JOSD1: variants seen among roughly 807,000 people sequenced by gnomAD.
JOSD1 encodes josephin-1.
In JOSD1, 11 loss-of-function variants were observed where a neutral mutation model predicts 24.3. The ratio of observed to expected loss-of-function variants is 0.45; its 90% CI spans 0.29 to 0.75. The LOEUF (loss-of-function observed/expected upper bound fraction) is 0.75, where lower values mean the gene tolerates loss of function less well. Ranked by LOEUF, JOSD1 falls within the 30% of genes least tolerant of loss-of-function variation. JOSD1 has a pLI of 0.11. For missense variants in JOSD1, 184 were observed against 253.5 expected (o/e 0.73, Z 1.86); for synonymous variants, 106 against 93.8 (o/e 1.13, Z -0.75).
At chr22:38,696,057 G>C (rs75032270) in intron 2 of JOSD1, among the ~76,000 whole-genome samples, 2 of 152,022 alleles carry the variant, frequency 1.3e-5, no homozygotes, top group African/African-American at 4.8e-5. Context: ...ACTCCGTCTC[G>C]GGTGGGGGGA....
At chr22:38,693,052 A>G (rs577806475) in intron 2 of JOSD1, among the ~76,000 whole-genome samples, 4 of 152,258 alleles carry the variant, frequency 2.6e-5, no homozygotes, top group African/African-American at 7.2e-5. Flanking sequence ...TTAACAGAGG[A>G]TCCCAGAAGG....
At chr22:38,700,730 G>A (rs2092565646) in intron 1 of JOSD1, 70 bp downstream of exon 1, 1 of 979,358 alleles carries the variant, frequency 1.0e-6, no homozygotes, top group Non-Finnish European at 1.2e-6. Flanking sequence ...GGCCCGCGAG[G>A]GGTGGGGCCG....
At chr22:38,699,277 A>G (rs1022835534) in intron 2 of JOSD1, among the ~76,000 whole-genome samples, 1 of 152,246 alleles carries the variant, frequency 6.6e-6, no homozygotes, top group African/African-American at 2.4e-5. Context: ...CACTACTGCC[A>G]GCACATGGCC....
In JOSD1 at chr22:38,700,259, T is replaced by G. The variant is rs2092562775; in HGVS notation, c.-272A>C. The G allele has an allele frequency of 2.7e-6, 3 of 1,115,086 alleles. No individual in the cohort carries two copies. The South Asian group carries it at 9.7e-5, about 36-fold the overall frequency. 69.1% of individuals were successfully genotyped at this position (1,115,086 alleles called of 1,614,324 possible). A position where few individuals can be genotyped will look rare whatever the true frequency, so the allele number is the denominator to read the frequency against. The stretch of plus-strand genomic sequence containing the variant: ...GCAGAATTTAAAAAAACACATAAAA[T>G]GTAAGACCTTGTTTCCGTTTCCCCA... On this transcript the variant is annotated 5_prime_UTR_variant, in exon 2 of 5. Transcript: ENST00000683374.
Position 38,700,401 on chromosome 22 carries a change from C to T in JOSD1, c.-414G>A. On this transcript the variant is annotated 5_prime_UTR_variant, in exon 2 of 5. Transcript: ENST00000683374. ...AATCGGTCACATCGCTCCTTTTCTT[C>T]CATTTCTTTTGAACCACGACGCCAA... The T allele has an allele frequency of 1.0e-6, 1 of 987,716 alleles. No homozygotes were observed. Among genetic ancestry groups the T allele is most frequent in the Non-Finnish European group, 1.2e-6 (1 of 831,954 alleles). 61.2% of individuals were successfully genotyped at this position (987,716 alleles called of 1,614,324 possible). A position where few individuals can be genotyped will look rare whatever the true frequency, so the allele number is the denominator to read the frequency against.
intron 2 of JOSD1, among the ~76,000 whole-genome samples, chr22:38,699,121 GA>G (rs1329334175): frequency 1.3e-5 from 2 of 152,208 alleles, no homozygotes; most frequent in Non-Finnish European, 2.9e-5. Flanking sequence ...GAATAAAGGA[GA>G]AAGAAGAGAT....
chr22:38,695,528 G>A (rs1156271820), intron 2 of JOSD1, among the ~76,000 whole-genome samples: 1 of 148,420 alleles, frequency 6.7e-6, no homozygotes, highest in African/African-American at 2.5e-5. Context: ...GCTCACTGCA[G>A]CCTCGACCTC....
At chr22:38,701,076 T>C (rs1379141203), upstream of JOSD1, 1 of 764,340 alleles carries the variant, frequency 1.3e-6, no homozygotes, top group Non-Finnish European at 1.6e-6. Flanking sequence ...TCTGACGTCA[T>C]CGGCACCGGC....
In JOSD1 at chr22:38,686,083, G is replaced by A. The variant is rs534654261; in HGVS notation, c.*1819C>T. Reference sequence around the variant, plus strand: ...TGTAATGTCTGGCTGGTGGTGGTTGGAATGTCATTGTGCAGGGCAGGAAAA... The same window carrying A: ...TGTAATGTCTGGCTGGTGGTGGTTGAAATGTCATTGTGCAGGGCAGGAAAA... On this transcript the variant is annotated 3_prime_UTR_variant, in exon 5 of 5. Coordinates refer to ENST00000683374, the MANE Select transcript of JOSD1 (RefSeq NM_001360236.2). 2 of 152,756 alleles carry A rather than the reference G, an allele frequency of 1.3e-5. No individual in the cohort carries two copies. The highest frequency in any genetic ancestry group is 4.1e-4 in the South Asian group (2 of 4,822). 9.5% of individuals were successfully genotyped at this position (152,756 alleles called of 1,614,324 possible).
At position 38,700,289 on chromosome 22, in the gene JOSD1, T is replaced by TG; in HGVS notation, c.-303_-302insC. ...GACCTTGTTTCCGTTTCCCCACCCT[T>TG]CCCTCCCACCCCCCTCCAAAATCCC... On this transcript the variant is annotated 5_prime_UTR_variant, in exon 2 of 5. Transcript: ENST00000683374. 8 of 894,426 alleles carry TG rather than the reference T, an allele frequency of 8.9e-6. No homozygotes were observed. The highest frequency in any genetic ancestry group is 4.2e-5 in the South Asian group (1 of 23,842). 55.4% of individuals were successfully genotyped at this position (894,426 alleles called of 1,614,324 possible). A position where few individuals can be genotyped will look rare whatever the true frequency, so the allele number is the denominator to read the frequency against.
chr22:38,694,915 C>T (rs2092538498), intron 2 of JOSD1, among the ~76,000 whole-genome samples: 1 of 151,780 alleles, frequency 6.6e-6, no homozygotes, highest in Admixed American at 6.6e-5. Flanking sequence ...TCCAGGTCTC[C>T]CCACTGTCTG....
Position 38,699,894 on chromosome 22 carries a change from G to T in JOSD1, c.94C>A (p.Arg32Ser). ...GCGTGGAGGGCACAAAGCTCCCTGC[G>T]CTGTTTCTCATGGTAGATTTGTGGG... is the stretch of plus-strand genomic sequence containing the variant. ...APPQIYHEKQ[R>S]RELCALHALN... is the part of the protein sequence containing the mutation. Residue 32 changes from arginine (R) to serine (S), a missense_variant, in exon 2 of 5, where the codon CGC becomes AGC. Coordinates refer to ENST00000683374, the MANE Select transcript of JOSD1 (RefSeq NM_001360236.2). The T allele has an allele frequency of 6.2e-7, 1 of 1,614,196 alleles. No individual in the cohort carries two copies. Among genetic ancestry groups the T allele is most frequent in the South Asian group, 1.1e-5 (1 of 91,088 alleles).
At position 38,685,702 on chromosome 22, in the gene JOSD1, G is replaced by T. The variant is rs1181358512; in HGVS notation, c.*2200C>A. On this transcript the variant is annotated 3_prime_UTR_variant, in exon 5 of 5. Transcript: ENST00000683374. ...GCAGCACAAGGCCAACAACAAAAAGGAATAAAAGCAAGAAAAACAAAAAGC... is the reference window on the plus strand; with the variant it reads ...GCAGCACAAGGCCAACAACAAAAAGTAATAAAAGCAAGAAAAACAAAAAGC... 1 of 152,570 alleles carries T rather than the reference G, an allele frequency of 6.6e-6. No homozygotes were observed. Among genetic ancestry groups the T allele is most frequent in the Admixed American group, 6.5e-5 (1 of 15,270 alleles). The allele number at this position is 152,570 out of a possible 1,614,324, so 9.5% of individuals were successfully genotyped here.
upstream of JOSD1, chr22:38,700,986 C>A: frequency 1.0e-6 from 1 of 985,038 alleles, no homozygotes; most frequent in Non-Finnish European, 1.2e-6. Flanking sequence ...CGTCAGCGGC[C>A]CCCGCCCGGC....
chr22:38,699,568 G>C (rs1318256034), intron 2 of JOSD1, among the ~76,000 whole-genome samples: 1 of 152,172 alleles, frequency 6.6e-6, no homozygotes, highest in Non-Finnish European at 1.5e-5. Flanking sequence ...GTATTCCACG[G>C]GACTGTTGAA....
At chr22:38,691,920 A>G (rs932401787) in intron 2 of JOSD1, among the ~76,000 whole-genome samples, 1 of 152,184 alleles carries the variant, frequency 6.6e-6, no homozygotes, top group African/African-American at 2.4e-5. Flanking sequence ...TGAACGCTAC[A>G]CTGCTAGGGG....
At position 38,697,807 on chromosome 22, in the gene JOSD1, C is replaced by T. The variant is rs1411586782; in HGVS notation, c.185+1996G>A. On this transcript the variant is annotated intron_variant, in intron 2 of 4. Transcript: ENST00000683374. ...GTGGACACAAGGAAAGCACTCAGAA[C>T]GGTGCTTTGCACCAAGTGTTCATGT... Among the ~76,000 whole-genome samples the T allele has an allele frequency of 5.2e-5, 8 of 152,396 alleles. No individual in the cohort carries two copies. The East Asian group carries it at 9.6e-4, about 18-fold the overall frequency.
upstream of JOSD1, chr22:38,701,099 G>A (rs1045778092): frequency 3.2e-5 from 17 of 539,118 alleles, no homozygotes; most frequent in East Asian, 1.9e-3. Context: ...GGGAGCCGCA[G>A]ACGCCGGGCG....
chr22:38,687,695 C>CTTA lies in JOSD1; in HGVS notation c.*206_*207insTAA. On this transcript the variant is annotated 3_prime_UTR_variant, in exon 5 of 5. Transcript: ENST00000683374. ...TTTGTGACCACTGGCCTTAAGTGCA[C>CTTA]AGAACTCCTACCTTCCTTGCCCAGG... 1 of 540,454 alleles carries CTTA rather than the reference C, an allele frequency of 1.9e-6. No homozygotes were observed. The highest frequency in any genetic ancestry group is 3.0e-5 in the East Asian group (1 of 32,946). 33.5% of individuals were successfully genotyped at this position (540,454 alleles called of 1,614,324 possible).
Sources: allele counts gnomAD v4.1 joint callset (sites outside exome capture counted in the v4.1 genomes callset), GRCh38; gene constraint gnomAD v4.1.1; transcripts MANE v1.5; gene names NCBI Gene and HGNC (gene_info 2026-07-23, HGNC 2026-07-21).